LMF1: variants seen among roughly 807,000 people sequenced by gnomAD.
The protein encoded by LMF1 is lipase maturation factor 1.
Under a neutral mutation model 60.6 loss-of-function variants are expected in LMF1, and 68 were observed. That is an observed-to-expected ratio of 1.12 (90% confidence interval 0.92 to 1.37). LMF1 has a LOEUF of 1.37. Among genes scored for constraint, LMF1 ranks in the 40% most tolerant of loss-of-function variants. LMF1 has a pLI of 0.00. For synonymous variants in LMF1, 418 were observed against 324.7 expected (o/e 1.29, Z -3.09); for missense variants, 948 against 767.2 (o/e 1.24, Z -2.78).
At chr16:978,209 A>G (rs1462706405) in intron 1 of LMF1, among the ~76,000 whole-genome samples, 1 of 150,956 alleles carries the variant, frequency 6.6e-6, no homozygotes, top group Non-Finnish European at 1.5e-5. Flanking sequence ...CACACACATC[A>G]TACACATACA....
chr16:890,093 G>C (rs747267230), intron 5 of LMF1, among the ~76,000 whole-genome samples: 5 of 152,154 alleles, frequency 3.3e-5, no homozygotes, highest in Non-Finnish European at 7.4e-5. Context: ...TTCTGGCCTT[G>C]GACTGGGCAT....
Position 870,068 on chromosome 16 carries a change from T to C in LMF1, c.1233-2A>G, listed in dbSNP as rs750741067. 1 of 1,606,154 alleles carries C rather than the reference T, an allele frequency of 6.2e-7. No homozygotes were observed. Among genetic ancestry groups the C allele is most frequent in the Non-Finnish European group, 8.5e-7 (1 of 1,179,174 alleles). The stretch of plus-strand genomic sequence containing the variant: ...ACCTCCGCCCGCTCCTTGGTGATGC[T>C]GCCGGGAGACCGAGGCAGGCCAGGC... On this transcript the variant is annotated splice_acceptor_variant, in intron 8 of 10. Coordinates refer to ENST00000262301, the MANE Select transcript of LMF1 (RefSeq NM_022773.4). LOFTEE classifies it high-confidence loss of function.
At chr16:957,962 G>C (rs1220306098) in intron 1 of LMF1, among the ~76,000 whole-genome samples, 1 of 152,180 alleles carries the variant, frequency 6.6e-6, no homozygotes, top group Non-Finnish European at 1.5e-5. Flanking sequence ...GGGCAACATA[G>C]TGAGACTCAG....
rs547654920 is a variant in LMF1 at position 962,295 on chromosome 16, G to C, written c.194-7629C>G. Among the ~76,000 whole-genome samples, 20 of 152,248 alleles carry C rather than the reference G, an allele frequency of 1.3e-4. No homozygotes were observed. The highest frequency in any genetic ancestry group is 1.0e-3 in the South Asian group (5 of 4,826). On this transcript the variant is annotated intron_variant, in intron 1 of 10. Transcript: ENST00000262301. The surrounding 1 kb of genome is among the most constrained non-coding windows in gnomAD (Gnocchi z 4.5). ...TCACGACCCAGAGGGAAAATAAATG[G>C]GCGTGGGTCCATAGTGACAAAATCA... is the stretch of plus-strand genomic sequence containing the variant.
In LMF1 at chr16:954,957, T is replaced by TACACACACACATCTAAGCGAA. The variant is rs1567316275; in HGVS notation, c.194-292_194-291insTTCGCTTAGATGTGTGTGTGT. On this transcript the variant is annotated intron_variant, in intron 1 of 10. Coordinates refer to ENST00000262301, the MANE Select transcript of LMF1 (RefSeq NM_022773.4). The stretch of plus-strand genomic sequence containing the variant: ...GCCCGCAGCAGACGCGGTGTGTGCA[T>TACACACACACATCTAAGCGAA]CCACACACACACATATCTAAGTGAA... 2.4e-5 allele frequency among the ~76,000 whole-genome samples: 2 copies of TACACACACACATCTAAGCGAA among 84,338 alleles called. 1 individual carries two copies. Among genetic ancestry groups the TACACACACACATCTAAGCGAA allele is most frequent in the South Asian group, 8.9e-4 (2 of 2,258 alleles). The allele number at this position is 84,338 out of a possible 152,430, so 55.3% of individuals were successfully genotyped here.
At chr16:971,098 C>A, upstream of LMF1, 1 of 1,076,570 alleles carries the variant, frequency 9.3e-7, no homozygotes, top group East Asian at 3.2e-5. Flanking sequence ...ACCCACACCC[C>A]GGGAGGCCCC....
At chr16:945,075 G>A (rs1047386490) in intron 2 of LMF1, among the ~76,000 whole-genome samples, 1 of 151,940 alleles carries the variant, frequency 6.6e-6, no homozygotes, top group Non-Finnish European at 1.5e-5. Flanking sequence ...GCCAGGCGTG[G>A]TGGCAGATGC....
intron 1 of LMF1, among the ~76,000 whole-genome samples, chr16:963,165 G>C (rs3751671): frequency 0.016 from 2,421 of 152,140 alleles, 105 homozygotes; most frequent in East Asian, 0.083. Flanking sequence ...ACTCGGGGTG[G>C]GTCGCAGGGC....
intron 4 of LMF1, chr16:901,656 C>T (rs577957827): frequency 1.3e-5 from 2 of 152,372 alleles, no homozygotes; most frequent in South Asian, 2.1e-4. Flanking sequence ...GGAAATGCTC[C>T]AGGGCTCCAG....
chr16:911,562 T>A (rs776434941), intron 3 of LMF1, among the ~76,000 whole-genome samples: 1 of 24,522 alleles, frequency 4.1e-5, no homozygotes, highest in Non-Finnish European at 9.1e-5. Context: ...GGGCAGCACT[T>A]GGGGGAGGCA....
rs903606249 is a variant in LMF1 at position 877,877 on chromosome 16, C to T, written c.897+1693G>A. 5.3e-5 allele frequency among the ~76,000 whole-genome samples: 8 copies of T among 152,150 alleles called. No homozygotes were observed. The South Asian group carries it at 1.2e-3, about 24-fold the overall frequency. ...TGAGAAAGGTCAAGGTCACCAGAGT[C>T]CCACACTTAGCCACCAAGAGGAGGA... On this transcript the variant is annotated intron_variant, in intron 6 of 10. Coordinates refer to ENST00000262301, the MANE Select transcript of LMF1 (RefSeq NM_022773.4).
chr16:854,452 G>T lies in LMF1; in HGVS notation c.*80C>A. The T allele has an allele frequency of 7.1e-7, 1 of 1,409,294 alleles. No homozygotes were observed. The highest frequency in any genetic ancestry group is 9.7e-7 in the Non-Finnish European group (1 of 1,031,424). 87.3% of individuals were successfully genotyped at this position (1,409,294 alleles called of 1,614,324 possible). ...TCCACGTCTCTCTTGGCGATGCCCA[G>T]CTTGGGCTGGGCGCAGGGAAGGGCA... On this transcript the variant is annotated 3_prime_UTR_variant, in exon 11 of 11. Transcript: ENST00000262301.
intron 1 of LMF1, among the ~76,000 whole-genome samples, chr16:969,991 G>A (rs2073006977): frequency 6.6e-6 from 1 of 152,214 alleles, no homozygotes; most frequent in Non-Finnish European, 1.5e-5. Flanking sequence ...TGCTCTGTAG[G>A]CTGCGCACGC....
chr16:918,945 G>T (rs2071355341), intron 3 of LMF1, among the ~76,000 whole-genome samples: 1 of 152,156 alleles, frequency 6.6e-6, no homozygotes, highest in South Asian at 2.1e-4. Flanking sequence ...TGGGATGTGG[G>T]TCTCACTCCC....
intron 2 of LMF1, among the ~76,000 whole-genome samples, chr16:937,808 T>G (rs1347379206): frequency 6.6e-6 from 1 of 152,270 alleles, no homozygotes. Context: ...TCTTCCAGTT[T>G]CTGGCCTAGT....
intron 1 of LMF1, among the ~76,000 whole-genome samples, chr16:964,776 C>A (rs2151490351): frequency 6.6e-6 from 1 of 152,350 alleles, no homozygotes; most frequent in South Asian, 2.1e-4. Context: ...GTCAACCCTG[C>A]CTCGGGTGTC....
intron 2 of LMF1, among the ~76,000 whole-genome samples, chr16:939,917 C>T (rs903365989): frequency 6.6e-5 from 10 of 152,078 alleles, no homozygotes; most frequent in Admixed American, 2.6e-4. Context: ...ATGCCTGCAC[C>T]CTGTCTTATT....
upstream of LMF1, chr16:975,862 A>G: frequency 2.2e-6 from 1 of 452,036 alleles, no homozygotes; most frequent in South Asian, 1.6e-5. Flanking sequence ...GCCAGGGCCC[A>G]TTTCGAGAAA....
chr16:896,629 A>C (rs1180664433), intron 4 of LMF1, among the ~76,000 whole-genome samples: 1 of 152,188 alleles, frequency 6.6e-6, no homozygotes, highest in Admixed American at 6.5e-5. Context: ...GCCCACACCC[A>C]GGGGAGCTGC....
Sources: gnomAD v4.1 joint callset for allele counts (sites outside exome capture counted in the v4.1 genomes callset) on GRCh38, gnomAD v4.1.1 for gene constraint, Gnocchi (gnomAD v3.1) non-coding constraint, MANE v1.5 for transcripts, NCBI Gene and HGNC (gene_info 2026-07-23, HGNC 2026-07-21) for gene names.